Variants in FARP1 observed in about 807,000 individuals in gnomAD.
FARP1 encodes FERM, ARH/RhoGEF and pleckstrin domain protein 1.
Under a neutral mutation model 128.8 loss-of-function variants are expected in FARP1, and 52 were observed. The observed-to-expected ratio is 0.40, with a 90% confidence interval of 0.32 to 0.51. FARP1 has a LOEUF of 0.51. FARP1 is among the 20% of genes least tolerant of loss of function. The probability of loss-of-function intolerance (pLI) is 0.45; values close to 1 mark genes in which losing one functional copy is unlikely to be tolerated. For missense variants in FARP1, 1,333 were observed against 1,367.9 expected (o/e 0.97, Z 0.40); for synonymous variants, 580 against 551.8 (o/e 1.05, Z -0.72).
chr13:98,237,311 A>AG (rs1882482060), intron 2 of FARP1, among the ~76,000 whole-genome samples: 1 of 152,164 alleles, frequency 6.6e-6, no homozygotes, highest in African/African-American at 2.4e-5. Flanking sequence ...TCTCAAAAAA[A>AG]AAAAAAAGTT....
At chr13:98,287,266 T>A (rs994654803) in intron 2 of FARP1, among the ~76,000 whole-genome samples, 13 of 135,622 alleles carry the variant, frequency 9.6e-5, no homozygotes, top group Non-Finnish European at 1.8e-4. Flanking sequence ...AGTCTTGCTC[T>A]CTCTCCCAGG....
chr13:98,228,017 T>C (rs1881895228), intron 2 of FARP1, among the ~76,000 whole-genome samples: 1 of 152,222 alleles, frequency 6.6e-6, no homozygotes, highest in Admixed American at 6.5e-5. Flanking sequence ...GGAGATCTTT[T>C]TCACAACAAT....
intron 2 of FARP1, among the ~76,000 whole-genome samples, chr13:98,220,104 T>C (rs1024018439): frequency 6.6e-6 from 1 of 152,110 alleles, no homozygotes; most frequent in Non-Finnish European, 1.5e-5. Flanking sequence ...CTAAAGGTCT[T>C]GAGGGGGCGG....
At chr13:98,439,632 G>C (rs951099025) in intron 21 of FARP1, among the ~76,000 whole-genome samples, 6 of 152,162 alleles carry the variant, frequency 3.9e-5, no homozygotes, top group African/African-American at 1.4e-4. Flanking sequence ...TTGGTTTGGG[G>C]CTGCCTCCTG....
At chr13:98,195,013 C>T (rs1879482859) in intron 1 of FARP1, among the ~76,000 whole-genome samples, 1 of 152,206 alleles carries the variant, frequency 6.6e-6, no homozygotes, top group African/African-American at 2.4e-5. Context: ...TCTTCAGGTA[C>T]CTACGCCATA....
chr13:98,308,007 C>CA (rs1210097511), intron 2 of FARP1, among the ~76,000 whole-genome samples: 14 of 106,326 alleles, frequency 1.3e-4, no homozygotes, highest in Non-Finnish European at 2.3e-4. Context: ...ACTGCCTGCC[C>CA]CCCTCCGCCC....
chr13:98,256,741 G>A (rs750712588), intron 2 of FARP1, among the ~76,000 whole-genome samples: 12 of 150,782 alleles, frequency 8.0e-5, no homozygotes, highest in South Asian at 6.3e-4. Context: ...TGTATTTTCA[G>A]TAGAGATGAG....
chr13:98,327,732 G>T (rs1267686261), intron 2 of FARP1, among the ~76,000 whole-genome samples: 1 of 152,162 alleles, frequency 6.6e-6, no homozygotes, highest in Non-Finnish European at 1.5e-5. Context: ...ACACGTTTCT[G>T]TTGTCAGCTG....
chr13:98,192,244 G>A (rs1879283388), intron 1 of FARP1, among the ~76,000 whole-genome samples: 5 of 152,052 alleles, frequency 3.3e-5, no homozygotes, highest in Non-Finnish European at 7.4e-5. Context: ...TATTGCTTGT[G>A]TTTATAGCCT....
chr13:98,416,933 A>T (rs1432482603), intron 16 of FARP1, among the ~76,000 whole-genome samples: 1 of 152,220 alleles, frequency 6.6e-6, no homozygotes, highest in African/African-American at 2.4e-5. Context: ...GATCAGCTGC[A>T]TGTTTTAGGA....
At chr13:98,363,872 G>T (rs1291219926) in intron 3 of FARP1, among the ~76,000 whole-genome samples, 2 of 152,148 alleles carry the variant, frequency 1.3e-5, no homozygotes, top group Non-Finnish European at 2.9e-5. Context: ...CTCCCAAGTA[G>T]CTGGGATTAC....
At chr13:98,447,189 T>C (rs2281769) in intron 26 of FARP1, 112,442 of 167,890 alleles carry the variant, frequency 0.67, 39,199 homozygotes, top group Non-Finnish European at 0.77. Flanking sequence ...GGCCTAAGAC[T>C]GTTCCTGCAA....
At chr13:98,307,405 C>T (rs186611506) in intron 2 of FARP1, among the ~76,000 whole-genome samples, 87 of 152,234 alleles carry the variant, frequency 5.7e-4, no homozygotes, top group Admixed American at 3.4e-3. Flanking sequence ...TCCCTTGCCC[C>T]GGTTTCCCCC....
chr13:98,232,168 C>CTTTTTTTTTTT (rs1882168811), intron 2 of FARP1, among the ~76,000 whole-genome samples: 2 of 41,036 alleles, frequency 4.9e-5, no homozygotes, highest in African/African-American at 2.6e-4. Context: ...TTTTTTTTTG[C>CTTTTTTTTTTT]TTAACTAATG....
chr13:98,309,972 C>CT lies in FARP1; in HGVS notation c.172-33789dup, dbSNP rs1886382462. 3.9e-5 allele frequency among the ~76,000 whole-genome samples: 6 copies of CT among 152,318 alleles called. No homozygotes were observed. In the South Asian group the frequency reaches 1.0e-3, roughly 26 times the overall value. On this transcript the variant is annotated intron_variant, in intron 2 of 26. Coordinates refer to ENST00000319562, the MANE Select transcript of FARP1 (RefSeq NM_005766.4). ...CTTGGGATACTGTCCTCTCTCCGAC[C>CT]TCTTCCTCTGTCTGTGTGCGTTGAT...
intron 1 of FARP1, among the ~76,000 whole-genome samples, chr13:98,145,426 T>G (rs1875455324): frequency 6.6e-6 from 1 of 152,230 alleles, no homozygotes; most frequent in Admixed American, 6.5e-5. Context: ...AATAGAATGT[T>G]AACTTTACTC....
chr13:98,335,888 CTGAG>C (rs754227598), intron 2 of FARP1, among the ~76,000 whole-genome samples: 58 of 152,194 alleles, frequency 3.8e-4, no homozygotes, highest in Non-Finnish European at 3.2e-4. Flanking sequence ...TTCCCTTCTA[CTGAG>C]TGAGAGCATG....
chr13:98,420,043 C>T (rs1168870901), intron 16 of FARP1, among the ~76,000 whole-genome samples: 9 of 152,108 alleles, frequency 5.9e-5, no homozygotes, highest in Admixed American at 1.3e-4. Context: ...CCAGAAAACA[C>T]GCCCTCTCAG....
chr13:98,427,245 G>T (rs1374831497), intron 17 of FARP1, among the ~76,000 whole-genome samples: 2 of 151,958 alleles, frequency 1.3e-5, no homozygotes, highest in African/African-American at 4.8e-5. Context: ...TATCTTTCCA[G>T]ATGTCACATA....
Sources: gnomAD v4.1 joint callset for allele counts (sites outside exome capture counted in the v4.1 genomes callset) on GRCh38, gnomAD v4.1.1 for gene constraint, MANE v1.5 for transcripts, NCBI Gene and HGNC (gene_info 2026-07-23, HGNC 2026-07-21) for gene names.